SLC22A23: variants seen among roughly 807,000 people sequenced by gnomAD.
SLC22A23 encodes ion transporter protein.
Under a neutral mutation model 61.0 loss-of-function variants are expected in SLC22A23, and 26 were observed. The observed-to-expected ratio is 0.43, with a 90% CI of 0.31 to 0.59. The LOEUF is 0.59. SLC22A23 is among the 20% of genes least tolerant of loss of function. The pLI, the probability that SLC22A23 is intolerant of heterozygous loss-of-function variation, is 0.11. For missense variants in SLC22A23, 796 were observed against 934.7 expected, an observed-to-expected ratio of 0.85 and a Z score of 1.94; for synonymous variants, 430 against 413.9, an observed-to-expected ratio of 1.04 and a Z score of -0.47.
At chr6:3,438,400 C>T in intron 1 of SLC22A23, 1 of 410,284 alleles carries the variant, frequency 2.4e-6, no homozygotes, top group Non-Finnish European at 4.8e-6. Context: ...TTCACTGGGA[C>T]TAGATGATCC....
chr6:3,451,905 A>C (rs999273851), intron 1 of SLC22A23, among the ~76,000 whole-genome samples: 1 of 152,226 alleles, frequency 6.6e-6, no homozygotes, highest in African/African-American at 2.4e-5. Flanking sequence ...TGTATCGATA[A>C]GGGCTGCTTT....
At chr6:3,315,437 C>T (rs1209520150) in intron 4 of SLC22A23, among the ~76,000 whole-genome samples, 1 of 152,202 alleles carries the variant, frequency 6.6e-6, no homozygotes, top group Non-Finnish European at 1.5e-5. Flanking sequence ...ATACTGATGA[C>T]TTCTGCTGTC....
rs776841593 is a variant in SLC22A23 at position 3,285,076 on chromosome 6, CACCTG to C, written c.1577_1579+2del. 6.2e-7 allele frequency: 1 copy of C among 1,613,058 alleles called. No homozygotes were observed. ...AAGCACAGCCCACGCGCTTGGGACTCACCTGAGTCTGGGTGCTGGCTGTACTTTCC... is the reference window on the plus strand; with the variant it reads ...AAGCACAGCCCACGCGCTTGGGACTCAGTCTGGGTGCTGGCTGTACTTTCC... On this transcript the variant is annotated splice_donor_variant and coding_sequence_variant, in exon 8 of 10. Transcript: ENST00000406686. LOFTEE classifies it high-confidence loss of function.
chr6:3,422,108 A>G (rs1344788278), intron 1 of SLC22A23, among the ~76,000 whole-genome samples: 2 of 152,192 alleles, frequency 1.3e-5, no homozygotes, highest in African/African-American at 4.8e-5. Flanking sequence ...AAAAGAAAAT[A>G]TTTCTGTTCA....
chr6:3,299,998 C>CTT lies in SLC22A23; in HGVS notation c.1083-1782_1083-1781dup, dbSNP rs869114176. Among the ~76,000 whole-genome samples, 280 of 78,778 alleles carry CTT rather than the reference C, an allele frequency of 3.6e-3. 41 individuals carry two copies. Among genetic ancestry groups the CTT allele is most frequent in the African/African-American group, 9.6e-3 (216 of 22,564 alleles). 51.7% of individuals were successfully genotyped at this position (78,778 alleles called of 152,430 possible). ...ACCTGCTTTGCAAGCTCAGGATAGACTTTTTTTTTTTTTTTTTTTTTTTTT... is the reference window on the plus strand; with the variant it reads ...ACCTGCTTTGCAAGCTCAGGATAGACTTTTTTTTTTTTTTTTTTTTTTTTTTT... On this transcript the variant is annotated intron_variant, in intron 4 of 9. Transcript: ENST00000406686.
chr6:3,404,141 T>G (rs769735508), intron 3 of SLC22A23, among the ~76,000 whole-genome samples: 1 of 152,248 alleles, frequency 6.6e-6, no homozygotes. Context: ...TGGAAAAGCA[T>G]CCAAATACTC....
intron 4 of SLC22A23, among the ~76,000 whole-genome samples, chr6:3,299,171 G>A (rs910245826): frequency 3.9e-5 from 6 of 152,108 alleles, no homozygotes; most frequent in Non-Finnish European, 5.9e-5. Flanking sequence ...ACAGAGTAGC[G>A]GATATGAACA....
intron 3 of SLC22A23, among the ~76,000 whole-genome samples, chr6:3,370,832 T>G (rs1180359074): frequency 6.6e-6 from 1 of 152,260 alleles, no homozygotes; most frequent in African/African-American, 2.4e-5. Context: ...CAGCAGGGAC[T>G]ATTAAGTGTT....
At chr6:3,350,191 T>G (rs1764682626) in intron 3 of SLC22A23, among the ~76,000 whole-genome samples, 1 of 152,242 alleles carries the variant, frequency 6.6e-6, no homozygotes, top group Admixed American at 6.5e-5. Context: ...TTAAAAATGC[T>G]GGGCAGGACC....
chr6:3,347,027 T>C (rs561386964), intron 3 of SLC22A23, among the ~76,000 whole-genome samples: 2 of 152,286 alleles, frequency 1.3e-5, no homozygotes, highest in East Asian at 3.9e-4. Flanking sequence ...TATTTTAGTA[T>C]ATTTCCTCCC....
Position 3,276,948 on chromosome 6 carries a change from G to C in SLC22A23, c.1704-3536C>G, listed in dbSNP as rs1309732322. 2.0e-5 allele frequency: 3 copies of C among 152,142 alleles called. No homozygotes were observed. The East Asian group carries it at 5.8e-4, about 29-fold the overall frequency. The allele number at this position is 152,142 out of a possible 1,614,324, so 9.4% of individuals were successfully genotyped here. On this transcript the variant is annotated intron_variant, in intron 9 of 9. Coordinates refer to ENST00000406686, the MANE Select transcript of SLC22A23 (RefSeq NM_015482.2). Reference sequence around the variant, plus strand: ...CTAGAATCCTGGCCCCCGCCCACCAGCTTCACTTCCCGAAGCCTCGGTCTG... The same window carrying C: ...CTAGAATCCTGGCCCCCGCCCACCACCTTCACTTCCCGAAGCCTCGGTCTG...
rs548185354 is a variant in SLC22A23 at position 3,304,016 on chromosome 6, C to A, written c.1083-5798G>T. On this transcript the variant is annotated intron_variant, in intron 4 of 9. Transcript: ENST00000406686. The surrounding 1 kb of genome is among the most constrained non-coding windows in gnomAD (Gnocchi z 4.3). ...AGATAAAGCCCTGCATTATGCATAC[C>A]AGGCAGACATTGGTGCTACTGGAAT... Among the ~76,000 whole-genome samples the A allele has an allele frequency of 6.6e-6, 1 of 152,170 alleles. No homozygotes were observed. The highest frequency in any genetic ancestry group is 1.5e-5 in the Non-Finnish European group (1 of 68,036).
intron 1 of SLC22A23, chr6:3,445,061 C>T (rs146155357): frequency 9.0e-5 from 72 of 795,778 alleles, no homozygotes; most frequent in Non-Finnish European, 9.4e-5. Context: ...CTGCGTCTGT[C>T]CTCACAATGG....
intron 9 of SLC22A23, chr6:3,282,342 A>G (rs1489596596): frequency 1.4e-6 from 1 of 702,114 alleles, no homozygotes; most frequent in South Asian, 1.5e-5. Flanking sequence ...TAGGGACAGG[A>G]TGAGTTCCTT....
At chr6:3,436,279 G>A (rs957979791) in intron 1 of SLC22A23, among the ~76,000 whole-genome samples, 11 of 152,068 alleles carry the variant, frequency 7.2e-5, no homozygotes, top group Admixed American at 6.5e-4. Flanking sequence ...GGGATTACAG[G>A]TGCCCGCCAC....
At chr6:3,389,182 C>T (rs1402196264) in intron 3 of SLC22A23, among the ~76,000 whole-genome samples, 2 of 143,664 alleles carry the variant, frequency 1.4e-5, no homozygotes, top group Admixed American at 1.4e-4. Flanking sequence ...GCAGGAGAAT[C>T]ACTGCAACCC....
chr6:3,395,110 A>G (rs1227395266), intron 3 of SLC22A23, among the ~76,000 whole-genome samples: 3 of 152,224 alleles, frequency 2.0e-5, no homozygotes, highest in South Asian at 2.1e-4. Context: ...GGCAGTCTAC[A>G]GAAGTTTTAA....
chr6:3,448,539 CAGTT>C (rs1196808703), intron 1 of SLC22A23, among the ~76,000 whole-genome samples: 9 of 152,060 alleles, frequency 5.9e-5, no homozygotes, highest in African/African-American at 7.2e-5. Flanking sequence ...GTCCCCCAGA[CAGTT>C]AGTGCAGTGT....
chr6:3,333,434 G>A lies in SLC22A23; in HGVS notation c.914-9432C>T, dbSNP rs866431227. 3.3e-5 allele frequency among the ~76,000 whole-genome samples: 5 copies of A among 151,624 alleles called. No homozygotes were observed. The highest frequency in any genetic ancestry group is 4.2e-4 in the South Asian group (2 of 4,788). On this transcript the variant is annotated intron_variant, in intron 3 of 9. Coordinates refer to ENST00000406686, the MANE Select transcript of SLC22A23 (RefSeq NM_015482.2). The surrounding 1 kb of genome is among the most constrained non-coding windows in gnomAD (Gnocchi z 4.1). Reference sequence around the variant, plus strand: ...GACCCATGTGATTTCCACCCCTCCCGCATCCCTCAGACCACATCACCTGCC... The same window carrying A: ...GACCCATGTGATTTCCACCCCTCCCACATCCCTCAGACCACATCACCTGCC...
Sources: allele counts gnomAD v4.1 joint callset (sites outside exome capture counted in the v4.1 genomes callset), GRCh38; gene constraint gnomAD v4.1.1; non-coding constraint Gnocchi (gnomAD v3.1); transcripts MANE v1.5; gene names NCBI Gene and HGNC (gene_info 2026-07-23, HGNC 2026-07-21).